RAB38: variants seen among roughly 807,000 people sequenced by gnomAD.
RAB38 encodes the protein RAB38, member RAS oncogene family.
Under a neutral mutation model 18.4 loss-of-function variants are expected in RAB38, and 15 were observed. The observed-to-expected ratio is 0.82, with a 90% CI of 0.55 to 1.26. The LOEUF (loss-of-function observed/expected upper bound fraction) is 1.26. RAB38 is among the 50% of genes most tolerant of loss of function. The probability of loss-of-function intolerance (pLI) is 0.00; values close to 1 mark genes in which losing one functional copy is unlikely to be tolerated. For synonymous variants in RAB38, 101 were observed against 104.4 expected (o/e 0.97, Z 0.20); for missense variants, 294 against 267.4 (o/e 1.10, Z -0.69).
chr11:87,890,468 TC>T, the RAB38 span, among the ~76,000 whole-genome samples: 1 of 151,858 alleles, frequency 6.6e-6, no homozygotes, highest in Non-Finnish European at 1.5e-5. Context: ...AGAGTGACCA[TC>T]TAAAATTCAT....
chr11:88,173,732 G>T (rs1369229974), intron 1 of RAB38: 2 of 985,230 alleles, frequency 2.0e-6, no homozygotes, highest in Non-Finnish European at 2.4e-6. Flanking sequence ...TAGATGAAAA[G>T]CCCCATCCAA....
At chr11:87,848,815 CA>C in the RAB38 span, among the ~76,000 whole-genome samples, 1 of 152,072 alleles carries the variant, frequency 6.6e-6, no homozygotes, top group African/African-American at 2.4e-5. Context: ...ACCGGAAAAT[CA>C]GTACATACAT....
At chr11:87,881,211 G>A in the RAB38 span, among the ~76,000 whole-genome samples, 2 of 151,932 alleles carry the variant, frequency 1.3e-5, no homozygotes, top group Middle Eastern at 3.4e-3. Flanking sequence ...ATACTAAAGA[G>A]AATGGAATAA....
At chr11:87,919,816 A>C in the RAB38 span, among the ~76,000 whole-genome samples, 1 of 151,954 alleles carries the variant, frequency 6.6e-6, no homozygotes, top group Non-Finnish European at 1.5e-5. Flanking sequence ...CTGTTTCTTC[A>C]TGATTCAGTC....
the RAB38 span, among the ~76,000 whole-genome samples, chr11:87,897,919 C>T: frequency 6.6e-6 from 1 of 151,588 alleles, no homozygotes; most frequent in East Asian, 2.0e-4. Flanking sequence ...AGACATGACT[C>T]AGAATCCTTG....
chr11:87,924,327 G>A, the RAB38 span, among the ~76,000 whole-genome samples: 1 of 151,960 alleles, frequency 6.6e-6, no homozygotes, highest in Non-Finnish European at 1.5e-5. Flanking sequence ...CACTTTACAA[G>A]CACAGGATAC....
chr11:87,882,363 G>T, the RAB38 span, among the ~76,000 whole-genome samples: 1 of 151,772 alleles, frequency 6.6e-6, no homozygotes, highest in African/African-American at 2.4e-5. Flanking sequence ...CCCCTAAAGG[G>T]CTTTAAAGAA....
intron 2 of RAB38, among the ~76,000 whole-genome samples, chr11:88,129,010 C>G (rs935987026): frequency 2.0e-5 from 3 of 152,262 alleles, no homozygotes; most frequent in East Asian, 3.9e-4. Context: ...TACTATATCA[C>G]TATATGGACA....
chr11:88,023,538 G>C, the RAB38 span, among the ~76,000 whole-genome samples: 5 of 150,348 alleles, frequency 3.3e-5, no homozygotes, highest in African/African-American at 1.2e-4. Flanking sequence ...CACAGAAATA[G>C]AAAAAAAAAT....
downstream of RAB38, among the ~76,000 whole-genome samples, chr11:88,109,570 C>T (rs543293225): frequency 6.6e-6 from 1 of 152,290 alleles, no homozygotes; most frequent in African/African-American, 2.4e-5. Context: ...AAACTATCAT[C>T]AGAGTGAACA....
At chr11:87,931,180 T>G in the RAB38 span, among the ~76,000 whole-genome samples, 1,117 of 152,268 alleles carry the variant, frequency 7.3e-3, 10 homozygotes, top group Non-Finnish European at 0.011. Flanking sequence ...ACGATATTGA[T>G]TCTTCCTACC....
At chr11:88,109,823 A>G (rs905418761), downstream of RAB38, among the ~76,000 whole-genome samples, 4 of 152,226 alleles carry the variant, frequency 2.6e-5, no homozygotes, top group Non-Finnish European at 5.9e-5. Flanking sequence ...ATGAGATACC[A>G]TCTAATGCCA....
chr11:87,946,672 A>C, the RAB38 span, among the ~76,000 whole-genome samples: 1 of 152,268 alleles, frequency 6.6e-6, no homozygotes, highest in Non-Finnish European at 1.5e-5. Context: ...TAGTTTGCTG[A>C]GAATGATGGT....
chr11:87,949,689 G>T, the RAB38 span, among the ~76,000 whole-genome samples: 1 of 152,196 alleles, frequency 6.6e-6, no homozygotes, highest in Non-Finnish European at 1.5e-5. Flanking sequence ...TTTCCATGTA[G>T]TTGGGCGGTT....
the RAB38 span, among the ~76,000 whole-genome samples, chr11:87,910,283 A>C: frequency 1.3e-5 from 2 of 152,074 alleles, no homozygotes; most frequent in African/African-American, 4.8e-5. Flanking sequence ...TGTATTATCA[A>C]ATCTTTTGCC....
At chr11:88,094,026 C>A in the RAB38 span, among the ~76,000 whole-genome samples, 4 of 151,902 alleles carry the variant, frequency 2.6e-5, no homozygotes, top group East Asian at 5.8e-4. Context: ...GAGGACACAG[C>A]TTTAATGATG....
At chr11:87,882,542 A>T in the RAB38 span, among the ~76,000 whole-genome samples, 1 of 151,888 alleles carries the variant, frequency 6.6e-6, no homozygotes, top group Non-Finnish European at 1.5e-5. Context: ...AATTTTTATG[A>T]ATCATTTGCT....
the RAB38 span, among the ~76,000 whole-genome samples, chr11:87,821,620 C>G: frequency 6.6e-6 from 1 of 151,894 alleles, no homozygotes; most frequent in Non-Finnish European, 1.5e-5. Context: ...GAGGCCGAGG[C>G]GGGTAGATCA....
At chr11:88,016,543 T>A in the RAB38 span, among the ~76,000 whole-genome samples, 1 of 152,096 alleles carries the variant, frequency 6.6e-6, no homozygotes, top group Non-Finnish European at 1.5e-5. Flanking sequence ...TAAAGATCCA[T>A]CTTGCTTCCT....
Sources: allele counts gnomAD v4.1 joint callset (sites outside exome capture counted in the v4.1 genomes callset), GRCh38; gene constraint gnomAD v4.1.1; transcripts MANE v1.5; gene names NCBI Gene and HGNC (gene_info 2026-07-23, HGNC 2026-07-21).